TIAM1: variants seen among roughly 807,000 people sequenced by gnomAD.
TIAM1 encodes TIAM Rac1 associated GEF 1, also known as rho guanine nucleotide exchange factor TIAM1.
Under a neutral mutation model 163.5 loss-of-function variants are expected in TIAM1, and 65 were observed. The ratio of observed to expected loss-of-function variants is 0.40; its 90% confidence interval spans 0.33 to 0.49. The LOEUF (loss-of-function observed/expected upper bound fraction) is 0.49, where lower values mean the gene tolerates loss of function less well. Ranked by LOEUF, TIAM1 falls within the 20% of genes least tolerant of loss-of-function variation. The pLI is 0.77. For synonymous variants in TIAM1, 833 were observed against 810.1 expected, an observed-to-expected ratio of 1.03 and a Z score of -0.48; for missense variants, 1,789 against 2,044.7, an observed-to-expected ratio of 0.87 and a Z score of 2.41.
At chr21:31,305,094 C>T (rs548369285) in intron 2 of TIAM1, among the ~76,000 whole-genome samples, 3 of 152,266 alleles carry the variant, frequency 2.0e-5, no homozygotes, top group African/African-American at 7.2e-5. Flanking sequence ...AGACAGACAA[C>T]ATTTATAAAA....
chr21:31,376,369 G>A (rs149673411), intron 2 of TIAM1, among the ~76,000 whole-genome samples: 6 of 152,164 alleles, frequency 3.9e-5, no homozygotes, highest in African/African-American at 9.6e-5. Flanking sequence ...TCACTGTCTC[G>A]CACTCCACGG....
chr21:31,249,339 C>T (rs2071671035), intron 5 of TIAM1, among the ~76,000 whole-genome samples: 2 of 152,170 alleles, frequency 1.3e-5, no homozygotes, highest in South Asian at 2.1e-4. Context: ...CTGCCAACAC[C>T]TTGATCTTGG....
At chr21:31,121,443 A>G (rs1412131267) in intron 27 of TIAM1, among the ~76,000 whole-genome samples, 1 of 152,212 alleles carries the variant, frequency 6.6e-6, no homozygotes, top group Non-Finnish European at 1.5e-5. Context: ...TGGGATCTGC[A>G]GTTAGATTAA....
intron 2 of TIAM1, among the ~76,000 whole-genome samples, chr21:31,421,852 T>C (rs2043587594): frequency 6.6e-6 from 1 of 151,936 alleles, no homozygotes; most frequent in Non-Finnish European, 1.5e-5. Context: ...TAGTCAGGCA[T>C]GGTAGTGCAC....
At chr21:31,245,722 A>G (rs984160928) in intron 5 of TIAM1, 62 bp from the exon 6 acceptor site, 13 of 1,309,924 alleles carry the variant, frequency 9.9e-6, no homozygotes, top group Non-Finnish European at 1.3e-5. Flanking sequence ...AAGAACCCAC[A>G]GTTGAACCTA....
chr21:31,334,015 T>C (rs1470440883), intron 2 of TIAM1, among the ~76,000 whole-genome samples: 2 of 152,162 alleles, frequency 1.3e-5, no homozygotes, highest in African/African-American at 2.4e-5. Context: ...ATTAGAAAGA[T>C]AAATAGCAAC....
chr21:31,378,959 AT>A (rs2076733430), intron 2 of TIAM1, among the ~76,000 whole-genome samples: 1 of 151,978 alleles, frequency 6.6e-6, no homozygotes, highest in Non-Finnish European at 1.5e-5. Flanking sequence ...ATACTAAACT[AT>A]TTTATTTGTT....
At chr21:31,123,585 T>C (rs965924782) in intron 27 of TIAM1, among the ~76,000 whole-genome samples, 2 of 152,188 alleles carry the variant, frequency 1.3e-5, no homozygotes, top group African/African-American at 4.8e-5. Context: ...AGGTAGGTTT[T>C]GTCTATGAAA....
At chr21:31,417,458 G>C (rs905059025) in intron 2 of TIAM1, among the ~76,000 whole-genome samples, 3 of 152,142 alleles carry the variant, frequency 2.0e-5, no homozygotes, top group Non-Finnish European at 2.9e-5. Flanking sequence ...TGAGAATCAA[G>C]CAAAAGGGGA....
At chr21:31,138,184 GC>G (rs1315520796) in intron 22 of TIAM1, among the ~76,000 whole-genome samples, 1 of 152,060 alleles carries the variant, frequency 6.6e-6, no homozygotes, top group Non-Finnish European at 1.5e-5. Flanking sequence ...AAGGGGAAAT[GC>G]CCTCTTGCAT....
At chr21:31,458,189 G>T (rs1372732269) in intron 2 of TIAM1, among the ~76,000 whole-genome samples, 1 of 152,178 alleles carries the variant, frequency 6.6e-6, no homozygotes, top group Non-Finnish European at 1.5e-5. Flanking sequence ...GGAGGCCAAG[G>T]TGGGTAGATC....
chr21:31,499,012 G>C (rs1206745874), intron 1 of TIAM1, among the ~76,000 whole-genome samples: 3 of 151,254 alleles, frequency 2.0e-5, no homozygotes, highest in African/African-American at 7.3e-5. Context: ...GGGAGGGGAG[G>C]GGGAAAGGAA....
intron 16 of TIAM1, chr21:31,160,301 A>G (rs2083849475): frequency 5.0e-6 from 2 of 396,282 alleles, no homozygotes; most frequent in East Asian, 7.2e-5. Context: ...TTTATGAACA[A>G]GGGTATCCAG....
At chr21:31,502,900 T>G (rs1044829947) in intron 1 of TIAM1, among the ~76,000 whole-genome samples, 1 of 152,090 alleles carries the variant, frequency 6.6e-6, no homozygotes, top group African/African-American at 2.4e-5. Context: ...ACCCTCACAT[T>G]CCAAGCTCTT....
rs182529452 is a variant in TIAM1, at chr21:31,419,699, T to C, written c.-369+44284A>G. Among the ~76,000 whole-genome samples, 993 of 151,940 alleles carry C rather than the reference T, an allele frequency of 6.5e-3. 5 individuals are homozygous for C. Among genetic ancestry groups the C allele is most frequent in the Non-Finnish European group, 0.011 (743 of 67,924 alleles). ...CAAAGAAGTTAATACACCCCACAAG[T>C]AGAAAAACAAAAGTGGAAAACAAAA... On this transcript the variant is annotated intron_variant, in intron 2 of 28. Coordinates refer to the TIAM1 transcript ENST00000286827.
In TIAM1 at chr21:31,195,308, G is replaced by A; in HGVS notation, c.2494-3C>T. The stretch of plus-strand genomic sequence containing the variant: ...CAGATTTCAATTTCTTTGTACAGCT[G>A]AAAGTTACAAAGGGGAATCTAATTA... On this transcript the variant is annotated splice_region_variant and splice_polypyrimidine_tract_variant and intron_variant, in intron 12 of 27. Coordinates refer to ENST00000541036, the MANE Select transcript of TIAM1 (RefSeq NM_001353694.2). 6.2e-7 allele frequency: 1 copy of A among 1,604,148 alleles called. No homozygotes were observed. The highest frequency in any genetic ancestry group is 8.5e-7 in the Non-Finnish European group (1 of 1,173,166).
At chr21:31,154,950 T>G (rs899860316) in intron 16 of TIAM1, among the ~76,000 whole-genome samples, 1 of 152,242 alleles carries the variant, frequency 6.6e-6, no homozygotes, top group African/African-American at 2.4e-5. Context: ...CTAAGGTTCT[T>G]CCTGTTAAAA....
At chr21:31,178,684 T>C (rs2084879643) in intron 15 of TIAM1, among the ~76,000 whole-genome samples, 2 of 152,136 alleles carry the variant, frequency 1.3e-5, no homozygotes, top group Admixed American at 6.5e-5. Context: ...AACAATACAG[T>C]GGCTTTACTT....
chr21:31,226,574 T>C (rs1033065069), intron 6 of TIAM1, among the ~76,000 whole-genome samples: 4 of 151,878 alleles, frequency 2.6e-5, no homozygotes, highest in Non-Finnish European at 4.4e-5. Context: ...ATTAAGAAAA[T>C]GGTGAGCGAC....
Sources: allele counts gnomAD v4.1 joint callset (sites outside exome capture counted in the v4.1 genomes callset), GRCh38; gene constraint gnomAD v4.1.1; transcripts MANE v1.5; gene names NCBI Gene and HGNC (gene_info 2026-07-23, HGNC 2026-07-21).